SMCHD1: variants seen among roughly 807,000 people sequenced by gnomAD.
The protein encoded by SMCHD1 is structural maintenance of chromosomes flexible hinge domain-containing protein 1.
SMCHD1 carries 78 observed loss-of-function variants against 254.7 expected under a neutral mutation model. The ratio of observed to expected loss-of-function variants is 0.31; its 90% confidence interval spans 0.26 to 0.37. SMCHD1 has a LOEUF of 0.37. Ranked by LOEUF, SMCHD1 falls within the 10% of genes least tolerant of loss-of-function variation. The probability of loss-of-function intolerance (pLI) is 1.00; values close to 1 mark genes in which losing one functional copy is unlikely to be tolerated. For synonymous variants in SMCHD1, 766 were observed against 794.9 expected, an observed-to-expected ratio of 0.96 and a Z score of 0.61; for missense variants, 1,840 against 2,408.1, an observed-to-expected ratio of 0.76 and a Z score of 4.94.
chr18:2,705,272 G>C (rs899038151), intron 13 of SMCHD1, among the ~76,000 whole-genome samples: 1 of 152,144 alleles, frequency 6.6e-6, no homozygotes, highest in Non-Finnish European at 1.5e-5. Flanking sequence ...CAAGTAAGGA[G>C]AAGAAATATG....
intron 34 of SMCHD1, among the ~76,000 whole-genome samples, chr18:2,754,039 A>G (rs1295512657): frequency 6.6e-6 from 1 of 151,992 alleles, no homozygotes; most frequent in Non-Finnish European, 1.5e-5. Flanking sequence ...TATTTTTTAT[A>G]TTAATTTGTA....
chr18:2,689,055 T>C (rs2074113542), intron 7 of SMCHD1, among the ~76,000 whole-genome samples: 1 of 152,062 alleles, frequency 6.6e-6, no homozygotes, highest in Non-Finnish European at 1.5e-5. Flanking sequence ...TTTCAGGAAA[T>C]TGGACCTCTA....
At chr18:2,747,429 A>G (rs905638472) in intron 29 of SMCHD1, 93 bp from the exon 30 acceptor site, 1 of 1,143,316 alleles carries the variant, frequency 8.7e-7, no homozygotes, top group Non-Finnish European at 1.2e-6. Flanking sequence ...TAGAACAGAG[A>G]TAAATTAAGT....
intron 29 of SMCHD1, among the ~76,000 whole-genome samples, chr18:2,744,946 C>T (rs2075423344): frequency 6.6e-6 from 1 of 152,130 alleles, no homozygotes; most frequent in Non-Finnish European, 1.5e-5. Flanking sequence ...TGGGTTCAAG[C>T]GATTATCCTG....
chr18:2,713,541 C>A (rs1178042975), intron 17 of SMCHD1, among the ~76,000 whole-genome samples: 2 of 152,032 alleles, frequency 1.3e-5, no homozygotes, highest in Non-Finnish European at 2.9e-5. Context: ...AAAAATTAGC[C>A]AGGTGTGGTG....
At chr18:2,665,469 C>T (rs1227157803) in intron 1 of SMCHD1, among the ~76,000 whole-genome samples, 16 of 151,836 alleles carry the variant, frequency 1.1e-4, no homozygotes, top group African/African-American at 9.7e-5. Flanking sequence ...TACAGGTGTG[C>T]GCCACCACAC....
intron 45 of SMCHD1, among the ~76,000 whole-genome samples, chr18:2,788,183 C>A (rs1230968799): frequency 6.6e-6 from 1 of 152,100 alleles, no homozygotes; most frequent in African/African-American, 2.4e-5. Flanking sequence ...CAGTTATAAG[C>A]AAAGTATTTG....
At chr18:2,744,597 ATTCTC>A (rs1689592621) in intron 29 of SMCHD1, among the ~76,000 whole-genome samples, 1 of 152,166 alleles carries the variant, frequency 6.6e-6, no homozygotes, top group African/African-American at 2.4e-5. Flanking sequence ...TTTGAAATCT[ATTCTC>A]TTAGCAGTTT....
intron 25 of SMCHD1, among the ~76,000 whole-genome samples, chr18:2,735,893 G>GA (rs1297262597): frequency 1.3e-5 from 2 of 152,050 alleles, no homozygotes; most frequent in Admixed American, 1.3e-4. Context: ...CACAGAATTG[G>GA]AAAAAAGCTA....
chr18:2,688,610 C>A lies in SMCHD1; in HGVS notation c.754-18C>A. On this transcript the variant is annotated intron_variant, in intron 6 of 47. Coordinates refer to ENST00000320876, the MANE Select transcript of SMCHD1 (RefSeq NM_015295.3). ...GTTTATTAGGAATTTAAAAAGTACT[C>A]TTTTTAATATTTAACAGATGATAAG... 1 of 1,565,544 alleles carries A rather than the reference C, an allele frequency of 6.4e-7. No homozygotes were observed. The highest frequency in any genetic ancestry group is 1.2e-5 in the South Asian group (1 of 86,108).
chr18:2,708,718 C>T (rs1384930718), intron 17 of SMCHD1, among the ~76,000 whole-genome samples: 4 of 150,250 alleles, frequency 2.7e-5, no homozygotes, highest in South Asian at 2.1e-4. Flanking sequence ...CCTGTTCAAG[C>T]AATTCTCCTG....
chr18:2,677,904 C>T (rs1444802865), intron 5 of SMCHD1, among the ~76,000 whole-genome samples: 2 of 152,188 alleles, frequency 1.3e-5, no homozygotes, highest in African/African-American at 4.8e-5. Context: ...CAGAAGTGAG[C>T]CACCGCATCT....
intron 37 of SMCHD1, among the ~76,000 whole-genome samples, chr18:2,766,418 C>G (rs1205658355): frequency 6.6e-6 from 1 of 152,236 alleles, no homozygotes; most frequent in Admixed American, 6.5e-5. Flanking sequence ...CTCTTCACAT[C>G]ATGCATGTAA....
chr18:2,713,593 G>C (rs1403017772), intron 17 of SMCHD1, among the ~76,000 whole-genome samples: 1 of 152,164 alleles, frequency 6.6e-6, no homozygotes, highest in Non-Finnish European at 1.5e-5. Context: ...GCTGAGGCAG[G>C]AGAATCACTT....
chr18:2,725,227 C>T (rs1450689292), intron 21 of SMCHD1, among the ~76,000 whole-genome samples: 1 of 151,470 alleles, frequency 6.6e-6, no homozygotes, highest in Non-Finnish European at 1.5e-5. Flanking sequence ...TATTTTTCAC[C>T]TCTCCCCGTT....
intron 7 of SMCHD1, among the ~76,000 whole-genome samples, chr18:2,693,866 G>A (rs2074233550): frequency 6.6e-6 from 1 of 152,066 alleles, no homozygotes; most frequent in African/African-American, 2.4e-5. Flanking sequence ...CCTGACCTCA[G>A]GTGATCTGCC....
intron 9 of SMCHD1, 80 bp downstream of exon 9, chr18:2,697,202 A>T: frequency 1.6e-6 from 1 of 622,730 alleles, no homozygotes; most frequent in Non-Finnish European, 2.6e-6. Context: ...ATAATAAAAA[A>T]CACTTGATAA....
At chr18:2,798,273 T>G (rs988176375) in intron 47 of SMCHD1, among the ~76,000 whole-genome samples, 1 of 152,178 alleles carries the variant, frequency 6.6e-6, no homozygotes, top group Admixed American at 6.5e-5. Flanking sequence ...TGATATCTCT[T>G]GAGTATCACA....
intron 7 of SMCHD1, among the ~76,000 whole-genome samples, chr18:2,689,836 G>T (rs2074133990): frequency 7.3e-6 from 1 of 137,766 alleles, no homozygotes. Flanking sequence ...TGTAACATAG[G>T]AGACCTTGTC....
Sources: gnomAD v4.1 joint callset for allele counts (sites outside exome capture counted in the v4.1 genomes callset) on GRCh38, gnomAD v4.1.1 for gene constraint, MANE v1.5 for transcripts, NCBI Gene and HGNC (gene_info 2026-07-23, HGNC 2026-07-21) for gene names.